Variants in PCDHA11 observed in about 807,000 individuals in gnomAD.
PCDHA11 encodes the protein protocadherin alpha 11, also known as protocadherin alpha-11.
Under a neutral mutation model 70.3 loss-of-function variants are expected in PCDHA11, and 61 were observed. The observed-to-expected ratio is 0.87, with a 90% confidence interval of 0.71 to 1.07. PCDHA11 has a LOEUF of 1.07. Among genes scored for constraint, PCDHA11 ranks in the 50% least tolerant of loss-of-function variants. The probability of loss-of-function intolerance (pLI) is 0.00; values close to 1 mark genes in which losing one functional copy is unlikely to be tolerated. For synonymous variants in PCDHA11, 633 were observed against 555.1 expected (o/e 1.14, Z -1.97); for missense variants, 1,324 against 1,237.5 (o/e 1.07, Z -1.05).
intron 1 of PCDHA11, among the ~76,000 whole-genome samples, chr5:140,872,690 T>C (rs1485284839): frequency 6.6e-6 from 1 of 152,210 alleles, no homozygotes; most frequent in Non-Finnish European, 1.5e-5. Context: ...ATGGCATGAT[T>C]TATGATTCCA....
Position 140,963,207 on chromosome 5 carries a change from C to A in PCDHA11, c.2392-15742C>A, listed in dbSNP as rs180756619. Among the ~76,000 whole-genome samples, 890 of 148,428 alleles carry A rather than the reference C, an allele frequency of 6.0e-3. 8 individuals are homozygous for A. Among genetic ancestry groups the A allele is most frequent in the African/African-American group, 0.021 (788 of 38,366 alleles). On this transcript the variant is annotated intron_variant, in intron 1 of 3. Transcript: ENST00000398640. Reference sequence around the variant, plus strand: ...TAGACTGTGAAAATGAAAAAAAAAACCTCGTGTTTAGAGTAGACACTGTTT... The same window carrying A: ...TAGACTGTGAAAATGAAAAAAAAAAACTCGTGTTTAGAGTAGACACTGTTT...
chr5:140,922,595 A>G (rs1554200883), intron 1 of PCDHA11, among the ~76,000 whole-genome samples: 1 of 152,216 alleles, frequency 6.6e-6, no homozygotes, highest in Non-Finnish European at 1.5e-5. Context: ...AGTTCTCATC[A>G]GTTGAAGATA....
intron 1 of PCDHA11, chr5:140,930,379 G>A (rs1249793792): frequency 1.3e-5 from 2 of 151,896 alleles, no homozygotes; most frequent in African/African-American, 2.4e-5. Context: ...GTGGCCCTTG[G>A]CATTTCAAAA....
intron 1 of PCDHA11, chr5:140,877,329 C>T: frequency 6.2e-7 from 1 of 1,614,012 alleles, no homozygotes; most frequent in South Asian, 1.1e-5. Flanking sequence ...TCGGCGCGCA[C>T]ATCCCGTTCC....
At position 140,978,930 on chromosome 5, in the gene PCDHA11, T is replaced by C; in HGVS notation, c.2392-19T>C. On this transcript the variant is annotated intron_variant, in intron 1 of 3. Transcript: ENST00000398640. ...TTGTCTTGTCATTTTAACAGAAAAC[T>C]CTCTTTGTGATTTTGCAGCCACGAC... 2 of 1,614,088 alleles carry C rather than the reference T, an allele frequency of 1.2e-6. No individual in the cohort carries two copies. Among genetic ancestry groups the C allele is most frequent in the South Asian group, 1.1e-5 (1 of 91,072 alleles).
At chr5:140,946,872 T>C (rs983892070) in intron 1 of PCDHA11, among the ~76,000 whole-genome samples, 7 of 151,402 alleles carry the variant, frequency 4.6e-5, no homozygotes, top group Admixed American at 1.3e-4. Flanking sequence ...GGTTGGTCAA[T>C]GGGTACGAAG....
At chr5:140,877,272 C>T in intron 1 of PCDHA11, 3 of 1,613,832 alleles carry the variant, frequency 1.9e-6, no homozygotes, top group Non-Finnish European at 2.5e-6. Flanking sequence ...TGGACGCTGA[C>T]TCCGGCTATA....
intron 1 of PCDHA11, among the ~76,000 whole-genome samples, chr5:140,959,379 A>T (rs2095484732): frequency 6.6e-6 from 1 of 152,176 alleles, no homozygotes; most frequent in Admixed American, 6.5e-5. Context: ...GTCTCAAAAA[A>T]AAAAGTCACA....
intron 1 of PCDHA11, among the ~76,000 whole-genome samples, chr5:140,921,440 G>A (rs1026829665): frequency 6.6e-6 from 1 of 152,056 alleles, no homozygotes; most frequent in Non-Finnish European, 1.5e-5. Flanking sequence ...CTTCAATGGT[G>A]TCTGAAAAGG....
At position 141,010,636 on chromosome 5, in the gene PCDHA11, A is replaced by G; in HGVS notation, c.*699A>G. On this transcript the variant is annotated 3_prime_UTR_variant, in exon 4 of 4. Coordinates refer to ENST00000398640, the MANE Select transcript of PCDHA11 (RefSeq NM_018902.5). ...AAAATCTGCATCATACCTGCAAGCC[A>G]ACAGTTCAGTGTTTTAACAGAGAAC... is the stretch of plus-strand genomic sequence containing the variant. 1 of 183,300 alleles carries G rather than the reference A, an allele frequency of 5.5e-6. No individual in the cohort carries two copies. The highest frequency in any genetic ancestry group is 1.2e-5 in the Non-Finnish European group (1 of 86,478). 11.4% of individuals were successfully genotyped at this position (183,300 alleles called of 1,614,324 possible). A position where few individuals can be genotyped will look rare whatever the true frequency, so the allele number is the denominator to read the frequency against.
chr5:140,977,974 A>G (rs2096783738), intron 1 of PCDHA11, among the ~76,000 whole-genome samples: 1 of 152,182 alleles, frequency 6.6e-6, no homozygotes, highest in African/African-American at 2.4e-5. Context: ...CCGCCCATGA[A>G]AACGCATCTA....
chr5:140,941,701 C>T (rs1312324595), intron 1 of PCDHA11, among the ~76,000 whole-genome samples: 3 of 152,142 alleles, frequency 2.0e-5, no homozygotes, highest in Non-Finnish European at 4.4e-5. Context: ...TTGGGCTTAG[C>T]TTTCCTCCAC....
chr5:140,872,246 G>A (rs2053563930), intron 1 of PCDHA11, among the ~76,000 whole-genome samples: 1 of 151,488 alleles, frequency 6.6e-6, no homozygotes, highest in Non-Finnish European at 1.5e-5. Flanking sequence ...TTATTCCTGT[G>A]ATAATACTTG....
Position 140,870,854 on chromosome 5 carries a change from T to G in PCDHA11, c.1751T>G (p.Val584Gly). The G allele has an allele frequency of 2.5e-6, 4 of 1,613,784 alleles. No homozygotes were observed. The highest frequency in any genetic ancestry group is 3.4e-6 in the Non-Finnish European group (4 of 1,179,872). The change falls in exon 1 of 4, where the codon GTG (valine) becomes GGG (glycine). Residue 584 changes from valine (V) to glycine (G), a missense_variant. Coordinates refer to ENST00000398640, the MANE Select transcript of PCDHA11 (RefSeq NM_018902.5). ...GAVNKLVPRSVGAGHVVAKVR... is the reference protein window; with the variant it reads ...GAVNKLVPRSGGAGHVVAKVR... ...GTTAACAAGCTAGTACCGCGGTCGG[T>G]GGGTGCGGGCCACGTGGTGGCGAAG...
At chr5:140,964,044 A>G (rs155810) in intron 1 of PCDHA11, among the ~76,000 whole-genome samples, 592 of 152,346 alleles carry the variant, frequency 3.9e-3, no homozygotes, top group Middle Eastern at 0.024. Context: ...AAAGGAATGC[A>G]TAATGGTGTG....
chr5:140,984,692 C>T (rs1252057323), intron 3 of PCDHA11, among the ~76,000 whole-genome samples: 2 of 152,130 alleles, frequency 1.3e-5, no homozygotes, highest in Non-Finnish European at 2.9e-5. Context: ...ATATGTTCTG[C>T]ACTGCTTGGA....
At chr5:140,942,900 GA>G (rs1383279314) in intron 1 of PCDHA11, among the ~76,000 whole-genome samples, 1 of 151,718 alleles carries the variant, frequency 6.6e-6, no homozygotes, top group Non-Finnish European at 1.5e-5. Context: ...TTATCTCTAA[GA>G]ATAAGCGTGA....
At chr5:140,960,306 A>G (rs1554224657) in intron 1 of PCDHA11, among the ~76,000 whole-genome samples, 1 of 152,136 alleles carries the variant, frequency 6.6e-6, no homozygotes, top group African/African-American at 2.4e-5. Context: ...ATCAATACCA[A>G]CCTCATTAGG....
chr5:140,944,242 C>T (rs969404044), intron 1 of PCDHA11, among the ~76,000 whole-genome samples: 1 of 152,172 alleles, frequency 6.6e-6, no homozygotes, highest in African/African-American at 2.4e-5. Flanking sequence ...GGCTGGAGTG[C>T]AGTGATGTGA....
Sources: allele counts gnomAD v4.1 joint callset (sites outside exome capture counted in the v4.1 genomes callset), GRCh38; gene constraint gnomAD v4.1.1; transcripts MANE v1.5; gene names NCBI Gene and HGNC (gene_info 2026-07-23, HGNC 2026-07-21).